KDM3B: variants seen among roughly 807,000 people sequenced by gnomAD.
The protein encoded by KDM3B is lysine demethylase 3B, also known as lysine-specific demethylase 3B.
KDM3B carries 10 observed loss-of-function variants against 170.0 expected under a neutral mutation model. The observed-to-expected ratio is 0.06, with a 90% CI of 0.04 to 0.10. The LOEUF (loss-of-function observed/expected upper bound fraction) is 0.10. KDM3B is among the 10% of genes least tolerant of loss of function. The pLI, the probability that KDM3B is intolerant of heterozygous loss-of-function variation, is 1.00. For synonymous variants in KDM3B, 831 were observed against 834.8 expected (o/e 1.00, Z 0.08); for missense variants, 1,394 against 2,195.2 (o/e 0.64, Z 7.29).
At chr5:138,365,489 C>G (rs1761721620) in intron 1 of KDM3B, among the ~76,000 whole-genome samples, 1 of 151,816 alleles carries the variant, frequency 6.6e-6, no homozygotes, top group Admixed American at 6.6e-5. Context: ...AACTCCTGAC[C>G]TCAGGTGATC....
intron 1 of KDM3B, among the ~76,000 whole-genome samples, chr5:138,361,526 C>T (rs986889453): frequency 1.3e-5 from 2 of 152,166 alleles, no homozygotes; most frequent in Non-Finnish European, 2.9e-5. Flanking sequence ...GACCAAATTA[C>T]TATAAGAAGG....
chr5:138,399,675 TC>T (rs750076623), intron 10 of KDM3B, among the ~76,000 whole-genome samples, 184 bp from the exon 11 acceptor site: 3 of 152,184 alleles, frequency 2.0e-5, no homozygotes, highest in Non-Finnish European at 4.4e-5. Context: ...AGTTATATAG[TC>T]TCTTTGTTCA....
chr5:138,359,558 C>T (rs1178458332), intron 1 of KDM3B, among the ~76,000 whole-genome samples: 4 of 150,406 alleles, frequency 2.7e-5, no homozygotes, highest in South Asian at 4.2e-4. Flanking sequence ...CCACTCAGCT[C>T]GGCCTCCCAA....
At chr5:138,425,135 G>C (rs1763362154) in intron 16 of KDM3B, among the ~76,000 whole-genome samples, 1 of 152,224 alleles carries the variant, frequency 6.6e-6, no homozygotes, top group South Asian at 2.1e-4. Context: ...AGTTGGACTT[G>C]TCAGATTTTT....
Position 138,425,596 on chromosome 5 carries a change from A to T in KDM3B, c.4411+14A>T. 1 of 1,611,734 alleles carries T rather than the reference A, an allele frequency of 6.2e-7. No homozygotes were observed. The highest frequency in any genetic ancestry group is 2.2e-5 in the East Asian group (1 of 44,870). The stretch of plus-strand genomic sequence containing the variant: ...AGATCATATGCAGTAAGTAGCTTTC[A>T]TATCTAGTTCAGTGATAGCAGACTG... On this transcript the variant is annotated intron_variant, in intron 17 of 23. Coordinates refer to ENST00000314358, the MANE Select transcript of KDM3B (RefSeq NM_016604.4).
chr5:138,353,819 A>C (rs908634949), intron 1 of KDM3B, among the ~76,000 whole-genome samples: 3 of 152,148 alleles, frequency 2.0e-5, no homozygotes, highest in Admixed American at 6.5e-5. Context: ...CAACTTAACT[A>C]GCATTCGGGA....
intron 11 of KDM3B, among the ~76,000 whole-genome samples, chr5:138,409,131 G>C (rs895944759): frequency 6.6e-6 from 1 of 152,172 alleles, no homozygotes; most frequent in African/African-American, 2.4e-5. Context: ...AACAAAGCAA[G>C]GATGTCAGCT....
At chr5:138,373,987 G>C (rs189064944) in intron 2 of KDM3B, among the ~76,000 whole-genome samples, 1 of 151,792 alleles carries the variant, frequency 6.6e-6, no homozygotes, top group Non-Finnish European at 1.5e-5. Flanking sequence ...TTTTCTTTTT[G>C]TCTTTTGTTT....
chr5:138,426,574 CAAAAAAAAAA>C (rs566978034), intron 17 of KDM3B, among the ~76,000 whole-genome samples: 3 of 69,176 alleles, frequency 4.3e-5, no homozygotes, highest in South Asian at 9.7e-4. Context: ...GACTCCATCT[CAAAAAAAAAA>C]AAAAAAAAAA....
intron 1 of KDM3B, 145 bp downstream of exon 1, chr5:138,353,132 T>G: frequency 4.5e-6 from 3 of 672,124 alleles, no homozygotes; most frequent in Non-Finnish European, 6.2e-6. Flanking sequence ...CGCCGGCACC[T>G]CCGCACCCCG....
chr5:138,392,445 C>T (rs1171012156), intron 8 of KDM3B, among the ~76,000 whole-genome samples, 184 bp downstream of exon 8: 1 of 152,226 alleles, frequency 6.6e-6, no homozygotes, highest in East Asian at 1.9e-4. Flanking sequence ...TGCATCTAAA[C>T]CGGCACTGTA....
chr5:138,391,252 C>A lies in KDM3B; in HGVS notation c.1620C>A (p.Phe540Leu). Residue 540 changes from phenylalanine (F) to leucine (L), a missense_variant, in exon 8 of 24, where the codon TTC (phenylalanine) becomes TTA (leucine). Around this residue, in one of 19 missense-constraint regions of KDM3B, gnomAD observed 294 missense variants for 311.7 expected, o/e 0.94. Coordinates refer to ENST00000314358, the MANE Select transcript of KDM3B (RefSeq NM_016604.4). This position sits in a 1 kb window ranked among gnomAD's most constrained non-coding sequence, Gnocchi z 5.0. ...MSQTLPTSNY[F>L]TTVSESLADD... ...AAACTTTACCTACCAGTAACTACTT[C>A]ACTACTGTTTCAGAGAGTTTGGCTG... is the stretch of plus-strand genomic sequence containing the variant. The A allele has an allele frequency of 6.2e-7, 1 of 1,614,198 alleles. No homozygotes were observed. The highest frequency in any genetic ancestry group is 8.5e-7 in the Non-Finnish European group (1 of 1,180,044).
intron 23 of KDM3B, among the ~76,000 whole-genome samples, chr5:138,433,536 T>C (rs989178573): frequency 2.6e-5 from 4 of 151,982 alleles, no homozygotes; most frequent in Admixed American, 6.6e-5. Flanking sequence ...GCCTCCCATG[T>C]AGCTGGGATT....
intron 2 of KDM3B, among the ~76,000 whole-genome samples, chr5:138,374,877 G>A (rs1199125467): frequency 1.3e-5 from 2 of 152,196 alleles, no homozygotes; most frequent in Non-Finnish European, 2.9e-5. Context: ...TAGCCAATAA[G>A]AGTATTGAGC....
chr5:138,389,782 CTGTGTG>C (rs148405512), intron 7 of KDM3B, among the ~76,000 whole-genome samples: 19 of 143,558 alleles, frequency 1.3e-4, no homozygotes, highest in East Asian at 1.2e-3. Flanking sequence ...CTCTCTCTCT[CTGTGTG>C]TGTGTGTGTG....
chr5:138,420,921 A>G lies in KDM3B; in HGVS notation c.3931A>G (p.Thr1311Ala). The change falls in exon 15 of 24, where the codon ACA becomes GCA. Residue 1311 changes from threonine to alanine, a missense_variant. Around this residue, in one of 19 missense-constraint regions of KDM3B, gnomAD observed 137 missense variants for 166.9 expected, o/e 0.82. Coordinates refer to ENST00000314358, the MANE Select transcript of KDM3B (RefSeq NM_016604.4). ...AAAACTTCCTCAAACCCCCTTGGAC[A>G]CAGGCATACCCTTTCCCCCGGTCTT... ...PGKLPQTPLD[T>A]GIPFPPVFST... 2 of 1,614,078 alleles carry G rather than the reference A, an allele frequency of 1.2e-6. No individual in the cohort carries two copies. The highest frequency in any genetic ancestry group is 1.1e-5 in the South Asian group (1 of 91,076).
chr5:138,435,560 G>A, intron 23 of KDM3B, 60 bp from the exon 24 acceptor site: 3 of 1,342,586 alleles, frequency 2.2e-6, no homozygotes, highest in South Asian at 1.2e-5. Context: ...TTACAGTCAA[G>A]GTAGAACGTA....
chr5:138,426,878 AAAG>A (rs563358964), intron 17 of KDM3B, 94 bp from the exon 18 acceptor site: 7,287 of 698,264 alleles, frequency 0.01, 73 homozygotes, highest in Middle Eastern at 0.014. Flanking sequence ...AAAAAAAAAA[AAAG>A]AAAAAAAAGA....
intron 9 of KDM3B, 95 bp downstream of exon 9, chr5:138,393,467 T>C: frequency 1.9e-6 from 2 of 1,066,994 alleles, no homozygotes; most frequent in Non-Finnish European, 2.8e-6. Flanking sequence ...TTCATCATCT[T>C]GGTCTTTGCT....
Sources: gnomAD v4.1 joint callset for allele counts (sites outside exome capture counted in the v4.1 genomes callset) on GRCh38, gnomAD v4.1.1 for gene constraint, gnomAD v4.1.1 regional missense constraint, Gnocchi (gnomAD v3.1) non-coding constraint, MANE v1.5 for transcripts, NCBI Gene and HGNC (gene_info 2026-07-23, HGNC 2026-07-21) for gene names.